The following PAPPA2 variants were observed in gnomAD, a reference collection of about 807,000 sequenced individuals.
PAPPA2 encodes the protein pappalysin 2, also known as pappalysin-2.
PAPPA2 carries 86 observed loss-of-function variants against 176.4 expected under a neutral mutation model. The observed-to-expected ratio is 0.49, with a 90% CI of 0.41 to 0.58. PAPPA2 has a LOEUF of 0.58. PAPPA2 is among the 20% of genes least tolerant of loss of function. The pLI is 0.00. For synonymous variants in PAPPA2, 809 were observed against 852.2 expected, an observed-to-expected ratio of 0.95 and a Z score of 0.88; for missense variants, 2,073 against 2,256.9, an observed-to-expected ratio of 0.92 and a Z score of 1.65.
At chr1:176,583,244 T>G (rs1653095138) in intron 2 of PAPPA2, among the ~76,000 whole-genome samples, 2 of 152,070 alleles carry the variant, frequency 1.3e-5, no homozygotes, top group Non-Finnish European at 2.9e-5. Flanking sequence ...TTATTTTCAT[T>G]TATTTCCTTC....
chr1:176,699,056 T>C, intron 7 of PAPPA2, 44 bp from the exon 8 acceptor site: 1 of 1,562,088 alleles, frequency 6.4e-7, no homozygotes, highest in Non-Finnish European at 8.7e-7. Context: ...TTTCTGACTT[T>C]TAATGGCTGC....
At chr1:176,571,011 A>AGGCTTCTGGG (rs1269709728) in intron 2 of PAPPA2, among the ~76,000 whole-genome samples, 1 of 152,084 alleles carries the variant, frequency 6.6e-6, no homozygotes, top group Non-Finnish European at 1.5e-5. Flanking sequence ...GATTGTCTGT[A>AGGCTTCTGGG]GGCTTCTGGG....
intron 2 of PAPPA2, among the ~76,000 whole-genome samples, chr1:176,570,223 C>T (rs777849395): frequency 6.6e-6 from 1 of 152,192 alleles, no homozygotes; most frequent in Non-Finnish European, 1.5e-5. Context: ...ACTCTGCTTC[C>T]GTTCCAAGTC....
chr1:176,467,607 C>T (rs568737635), intron 1 of PAPPA2, among the ~76,000 whole-genome samples: 16 of 152,144 alleles, frequency 1.1e-4, no homozygotes, highest in Non-Finnish European at 7.3e-5. Context: ...CAGTTGACAG[C>T]GCCAGGTGCT....
intron 3 of PAPPA2, among the ~76,000 whole-genome samples, chr1:176,627,911 C>T (rs1318248236): frequency 6.6e-6 from 1 of 152,072 alleles, no homozygotes; most frequent in Non-Finnish European, 1.5e-5. Context: ...TTAAGGTAAT[C>T]AGTTGAGGAT....
intron 12 of PAPPA2, among the ~76,000 whole-genome samples, chr1:176,723,028 A>G (rs1290949852): frequency 6.6e-6 from 1 of 152,162 alleles, no homozygotes; most frequent in African/African-American, 2.4e-5. Context: ...GTCTAAGAGC[A>G]TGGTGCTGGC....
chr1:176,536,546 G>T (rs1372157703), intron 1 of PAPPA2, among the ~76,000 whole-genome samples: 1 of 152,164 alleles, frequency 6.6e-6, no homozygotes, highest in Non-Finnish European at 1.5e-5. Flanking sequence ...TGCTGATCTA[G>T]GTTAGATTTG....
chr1:176,633,716 C>T (rs1178928097), intron 3 of PAPPA2, among the ~76,000 whole-genome samples: 1 of 152,024 alleles, frequency 6.6e-6, no homozygotes, highest in African/African-American at 2.4e-5. Context: ...GGGCTAATAT[C>T]CAGAATCTAC....
chr1:176,821,940 C>T (rs1169726934), intron 21 of PAPPA2, among the ~76,000 whole-genome samples: 1 of 152,226 alleles, frequency 6.6e-6, no homozygotes, highest in African/African-American at 2.4e-5. Flanking sequence ...ACAGTCTTAT[C>T]CAGTCCTAGC....
intron 3 of PAPPA2, among the ~76,000 whole-genome samples, chr1:176,625,042 C>T (rs1414863099): frequency 6.6e-6 from 1 of 152,174 alleles, no homozygotes; most frequent in African/African-American, 2.4e-5. Context: ...TTATTCAGAT[C>T]AAAGGACTGT....
At chr1:176,516,130 G>A (rs1011395496) in intron 1 of PAPPA2, among the ~76,000 whole-genome samples, 1 of 151,972 alleles carries the variant, frequency 6.6e-6, no homozygotes. Context: ...AACTGTGTAG[G>A]GGAAGTAGAG....
intron 3 of PAPPA2, among the ~76,000 whole-genome samples, chr1:176,599,748 T>G (rs1335374321): frequency 6.6e-6 from 1 of 151,878 alleles, no homozygotes; most frequent in Non-Finnish European, 1.5e-5. Context: ...TATTTTAAAT[T>G]CATGACTATC....
chr1:176,686,145 C>G (rs776926568), intron 4 of PAPPA2, among the ~76,000 whole-genome samples: 1 of 152,108 alleles, frequency 6.6e-6, no homozygotes, highest in African/African-American at 2.4e-5. Context: ...ATGAAGGGTG[C>G]AAACTGGTTG....
Position 176,839,778 on chromosome 1 carries a change from G to A in PAPPA2, c.5203-395G>A, listed in dbSNP as rs1667413804. On this transcript the variant is annotated intron_variant, in intron 21 of 22. Coordinates refer to ENST00000367662, the MANE Select transcript of PAPPA2 (RefSeq NM_020318.3). The stretch of plus-strand genomic sequence containing the variant: ...TATGCATCCTCATTTCCAAAAAAGT[G>A]GGACTTTTGAGGCCAATCCTGCCTA... 2.0e-5 allele frequency among the ~76,000 whole-genome samples: 3 copies of A among 152,158 alleles called. No individual in the cohort carries two copies. The South Asian group carries it at 6.2e-4, about 32-fold the overall frequency.
intron 2 of PAPPA2, among the ~76,000 whole-genome samples, chr1:176,582,404 G>A (rs1362958246): frequency 6.6e-6 from 1 of 152,110 alleles, no homozygotes; most frequent in Non-Finnish European, 1.5e-5. Context: ...AGTTCTTAGA[G>A]AAAACGCTTT....
At chr1:176,650,198 A>C (rs996676434) in intron 3 of PAPPA2, among the ~76,000 whole-genome samples, 1 of 151,456 alleles carries the variant, frequency 6.6e-6, no homozygotes, top group Non-Finnish European at 1.5e-5. Flanking sequence ...ATTTAATCTG[A>C]AATAAATGTA....
At chr1:176,742,264 C>T (rs879278809) in intron 14 of PAPPA2, among the ~76,000 whole-genome samples, 20 of 151,750 alleles carry the variant, frequency 1.3e-4, no homozygotes, top group African/African-American at 2.7e-4. Context: ...TGACAGTTGC[C>T]GACTTTATCT....
intron 3 of PAPPA2, among the ~76,000 whole-genome samples, chr1:176,618,804 C>T (rs766822858): frequency 2.6e-5 from 4 of 152,062 alleles, no homozygotes; most frequent in South Asian, 2.1e-4. Flanking sequence ...TTAGAAACCA[C>T]GAATAGTAAA....
Position 176,671,070 on chromosome 1 carries a change from G to A in PAPPA2, c.2092G>A (p.Gly698Ser), listed in dbSNP as rs772178636. The A allele has an allele frequency of 1.2e-6, 2 of 1,613,854 alleles. No individual in the cohort carries two copies. The highest frequency in any genetic ancestry group is 1.3e-5 in the African/African-American group (1 of 74,926). The change falls in exon 4 of 23, where the codon GGT becomes AGT. Residue 698 changes from glycine to serine, a missense_variant. By Grantham distance (56) the Gly-to-Ser change is moderately conservative. Transcript: ENST00000367662. Reference sequence around the variant, plus strand: ...CAGCTCAGTGCGGGAAGACCTTGCAGGTGCTGCCACCTGGCCTTGGGACAA... The same window carrying A: ...CAGCTCAGTGCGGGAAGACCTTGCAAGTGCTGCCACCTGGCCTTGGGACAA... Reference protein sequence around the residue: ...FASSVREDLAGAATWPWDKDA... With the variant: ...FASSVREDLASAATWPWDKDA...
Sources: gnomAD v4.1 joint callset for allele counts (sites outside exome capture counted in the v4.1 genomes callset) on GRCh38, gnomAD v4.1.1 for gene constraint, MANE v1.5 for transcripts, NCBI Gene and HGNC (gene_info 2026-07-23, HGNC 2026-07-21) for gene names.